TASP1: variants seen among roughly 807,000 people sequenced by gnomAD.
TASP1 encodes threonine aspartase 1.
Under a neutral mutation model 56.6 loss-of-function variants are expected in TASP1, and 16 were observed. The ratio of observed to expected loss-of-function variants is 0.28; its 90% CI spans 0.19 to 0.43. The LOEUF (loss-of-function observed/expected upper bound fraction) is 0.43. Among genes scored for constraint, TASP1 ranks in the 20% least tolerant of loss-of-function variants. The pLI is 1.00. For synonymous variants in TASP1, 179 were observed against 184.2 expected (o/e 0.97, Z 0.23); for missense variants, 393 against 511.6 (o/e 0.77, Z 2.24).
Position 13,417,935 on chromosome 20 carries a change from G to A in TASP1, c.1097-414C>T, listed in dbSNP as rs574909928. On this transcript the variant is annotated intron_variant, in intron 12 of 13. Transcript: ENST00000337743. ...TCTTAATTTCTTTCCTTATTGAGAC[G>A]GAGTTTCACTCTTGTTGTCCAGGCT... Among the ~76,000 whole-genome samples, 23 of 152,174 alleles carry A rather than the reference G, an allele frequency of 1.5e-4. No homozygotes were observed. The South Asian group carries it at 4.4e-3, about 29-fold the overall frequency.
intron 11 of TASP1, among the ~76,000 whole-genome samples, chr20:13,470,879 T>C (rs377318833): frequency 6.6e-6 from 1 of 152,196 alleles, no homozygotes; most frequent in African/African-American, 2.4e-5. Flanking sequence ...TTCTGCATAT[T>C]TATTTACAAC....
chr20:13,313,313 G>A, the TASP1 span, among the ~76,000 whole-genome samples: 1 of 152,292 alleles, frequency 6.6e-6, no homozygotes, highest in South Asian at 2.1e-4. Context: ...CAACCTAAAG[G>A]TTTCTCTGCA....
the TASP1 span, among the ~76,000 whole-genome samples, chr20:13,303,116 T>C: frequency 3.3e-5 from 5 of 152,170 alleles, no homozygotes; most frequent in Non-Finnish European, 7.4e-5. Flanking sequence ...CCAACAAGGT[T>C]AGCTAACTTG....
rs149974555 is a variant in TASP1, at chr20:13,599,645, G to A, written c.283-12275C>T. On this transcript the variant is annotated intron_variant, in intron 4 of 13. Coordinates refer to ENST00000337743, the MANE Select transcript of TASP1 (RefSeq NM_017714.3). ...TAGCTATGTAACAAACCTGCACGTC[G>A]TGTACATCTACCCTAGAACTTAAAG... Among the ~76,000 whole-genome samples, 983 of 151,976 alleles carry A rather than the reference G, an allele frequency of 6.5e-3. 32 individuals carry two copies. Among genetic ancestry groups the A allele is most frequent in the Admixed American group, 0.046 (697 of 15,252 alleles).
chr20:13,433,139 C>T (rs1370777604), intron 12 of TASP1, among the ~76,000 whole-genome samples: 1 of 152,102 alleles, frequency 6.6e-6, no homozygotes, highest in Non-Finnish European at 1.5e-5. Context: ...CCCGCACCCC[C>T]TGACAAGCTC....
chr20:13,356,201 T>C, the TASP1 span, among the ~76,000 whole-genome samples: 1 of 152,236 alleles, frequency 6.6e-6, no homozygotes, highest in African/African-American at 2.4e-5. Context: ...GAGATGTTAA[T>C]GTCTTACATA....
chr20:13,219,600 A>G, the TASP1 span, among the ~76,000 whole-genome samples: 1 of 150,714 alleles, frequency 6.6e-6, no homozygotes, highest in South Asian at 2.1e-4. Context: ...TTCCCCACCC[A>G]AAAAAAAATA....
chr20:13,392,875 G>C (rs981758506), intron 13 of TASP1: 1 of 664,514 alleles, frequency 1.5e-6, no homozygotes, highest in African/African-American at 1.8e-5. Context: ...TGGGAAGCTT[G>C]TCATCAATGG....
the TASP1 span, among the ~76,000 whole-genome samples, chr20:13,284,425 T>C: frequency 5.4e-4 from 82 of 152,236 alleles, no homozygotes; most frequent in African/African-American, 1.9e-3. Context: ...AAGCACCATA[T>C]AGATGCTCCC....
chr20:13,387,184 ATTTTTTTT>A (rs779048448), downstream of TASP1, among the ~76,000 whole-genome samples: 7 of 70,694 alleles, frequency 9.9e-5, no homozygotes, highest in African/African-American at 2.7e-4. Flanking sequence ...ACATGATTTC[ATTTTTTTT>A]TTTTTTTTTT....
At chr20:13,114,563 T>G in the TASP1 span, among the ~76,000 whole-genome samples, 104 of 152,312 alleles carry the variant, frequency 6.8e-4, 1 homozygote, top group South Asian at 8.5e-3. Context: ...AGAATACCAT[T>G]TACTCTAAGA....
intron 13 of TASP1, among the ~76,000 whole-genome samples, chr20:13,415,920 T>C (rs556252236): frequency 1.3e-5 from 2 of 152,316 alleles, no homozygotes; most frequent in Admixed American, 1.3e-4. Flanking sequence ...TTCAAGCTAC[T>C]GTTAGGCAAG....
chr20:13,170,031 C>G, the TASP1 span, among the ~76,000 whole-genome samples: 1,454 of 152,230 alleles, frequency 9.6e-3, 23 homozygotes, highest in African/African-American at 0.033. Flanking sequence ...TGTAAATTCC[C>G]TGGATTAAAA....
chr20:13,197,486 T>C, the TASP1 span, among the ~76,000 whole-genome samples: 1 of 152,228 alleles, frequency 6.6e-6, no homozygotes, highest in Admixed American at 6.5e-5. Context: ...AGCAGTGTTA[T>C]ATAAGTGATA....
chr20:13,327,235 C>T, the TASP1 span, among the ~76,000 whole-genome samples: 1 of 151,858 alleles, frequency 6.6e-6, no homozygotes, highest in Admixed American at 6.6e-5. Flanking sequence ...AATAAAATAC[C>T]CAGGAATAGA....
chr20:13,603,415 G>A (rs955150928), intron 4 of TASP1, among the ~76,000 whole-genome samples: 22 of 151,506 alleles, frequency 1.5e-4, no homozygotes, highest in Non-Finnish European at 2.1e-4. Flanking sequence ...GGTGGTACAC[G>A]CATGTAGTCC....
chr20:13,108,393 C>T, the TASP1 span, among the ~76,000 whole-genome samples: 3 of 151,978 alleles, frequency 2.0e-5, no homozygotes, highest in Non-Finnish European at 2.9e-5. Context: ...TGGGGGAAGC[C>T]CTAAAACAGA....
chr20:13,144,797 C>T, the TASP1 span, among the ~76,000 whole-genome samples: 14 of 152,018 alleles, frequency 9.2e-5, no homozygotes, highest in Admixed American at 4.6e-4. Context: ...TTTTTTGAGA[C>T]GGAGTCTCGC....
At chr20:13,279,655 G>A in the TASP1 span, 141 of 1,613,654 alleles carry the variant, frequency 8.7e-5, no homozygotes, top group South Asian at 3.4e-4. Flanking sequence ...GGTGGTCGAC[G>A]GTCCTGACTC....
Sources: gnomAD v4.1 joint callset for allele counts (sites outside exome capture counted in the v4.1 genomes callset) on GRCh38, gnomAD v4.1.1 for gene constraint, MANE v1.5 for transcripts, NCBI Gene and HGNC (gene_info 2026-07-23, HGNC 2026-07-21) for gene names.